The following CCDC30 variants were observed in gnomAD, a reference collection of about 807,000 sequenced individuals.
CCDC30 encodes coiled-coil domain-containing protein 30.
Under a neutral mutation model 100.2 loss-of-function variants are expected in CCDC30, and 70 were observed. The observed-to-expected ratio is 0.70, with a 90% confidence interval of 0.58 to 0.85. CCDC30 has a LOEUF of 0.85. Ranked by LOEUF, CCDC30 falls within the 40% of genes least tolerant of loss-of-function variation. CCDC30 has a pLI of 0.00. For synonymous variants in CCDC30, 233 were observed against 269.5 expected (o/e 0.86, Z 1.33); for missense variants, 652 against 771.2 (o/e 0.85, Z 1.83).
At chr1:42,558,241 T>C in intron 6 of CCDC30, 1 of 183,690 alleles carries the variant, frequency 5.4e-6, no homozygotes, top group Non-Finnish European at 1.2e-5. Flanking sequence ...TTGGTAAAAC[T>C]GGGGTGCATC....
chr1:42,548,815 G>A (rs928450608), intron 6 of CCDC30, among the ~76,000 whole-genome samples: 4 of 152,158 alleles, frequency 2.6e-5, no homozygotes, highest in Admixed American at 2.0e-4. Flanking sequence ...AGAAAGCCAT[G>A]AGCCAGAGTC....
intron 6 of CCDC30, among the ~76,000 whole-genome samples, chr1:42,563,406 T>C (rs1040948283): frequency 5.3e-5 from 8 of 151,296 alleles, no homozygotes; most frequent in Admixed American, 6.6e-5. Context: ...AGTTGAACAT[T>C]GAGAATACAT....
intron 6 of CCDC30, among the ~76,000 whole-genome samples, chr1:42,562,408 G>T (rs1557856624): frequency 6.6e-6 from 1 of 152,136 alleles, no homozygotes; most frequent in African/African-American, 2.4e-5. Context: ...GCCATATGCA[G>T]AAAAATGAAA....
At position 42,597,580 on chromosome 1, in the gene CCDC30, C is replaced by T. The variant is rs112835238; in HGVS notation, c.1164+8097C>T. On this transcript the variant is annotated intron_variant, in intron 10 of 16. Coordinates refer to ENST00000668663, the Ensembl canonical transcript of CCDC30. Reference sequence around the variant, plus strand: ...ATCCCAGCACTTTGAGAAGCCAAGACAGAAAGATCACTTGAGATCAGCCTG... The same window carrying T: ...ATCCCAGCACTTTGAGAAGCCAAGATAGAAAGATCACTTGAGATCAGCCTG... Among the ~76,000 whole-genome samples the T allele has an allele frequency of 6.2e-3, 944 of 151,546 alleles. 5 individuals are homozygous for T. The highest frequency in any genetic ancestry group is 0.021 in the African/African-American group (881 of 41,304).
intron 1 of CCDC30, among the ~76,000 whole-genome samples, chr1:42,471,838 ACT>A (rs1643779669): frequency 6.6e-6 from 1 of 152,112 alleles, no homozygotes; most frequent in Admixed American, 6.6e-5. Context: ...AAATGGTAAG[ACT>A]CTAGAAAACT....
At chr1:42,636,742 C>T (rs561774356) in intron 11 of CCDC30, among the ~76,000 whole-genome samples, 4 of 151,864 alleles carry the variant, frequency 2.6e-5, no homozygotes, top group African/African-American at 7.2e-5. Flanking sequence ...CTGAGGCAGG[C>T]GGATCACAAG....
chr1:42,554,979 G>A (rs1480659686), intron 6 of CCDC30, among the ~76,000 whole-genome samples: 1 of 151,936 alleles, frequency 6.6e-6, no homozygotes, highest in African/African-American at 2.4e-5. Flanking sequence ...CCACATGTTG[G>A]TCTACCATCC....
rs1646299745 is a variant in CCDC30, at chr1:42,596,895, G to T, written c.1164+7412G>T. Among the ~76,000 whole-genome samples, 1 of 152,136 alleles carries T rather than the reference G, an allele frequency of 6.6e-6. No individual in the cohort carries two copies. The highest frequency in any genetic ancestry group is 2.1e-4 in the South Asian group (1 of 4,830). The stretch of plus-strand genomic sequence containing the variant: ...CTCTAAGGAATAAAGTAGACCACAT[G>T]CAGGAAGAGATGGGCAATGCAAGCA... On this transcript the variant is annotated intron_variant, in intron 10 of 16. Coordinates refer to ENST00000668663, the Ensembl canonical transcript of CCDC30. The surrounding 1 kb of genome is among the most constrained non-coding windows in gnomAD (Gnocchi z 4.3).
Position 42,501,069 on chromosome 1 carries a change from G to A in CCDC30, c.456+2153G>A, listed in dbSNP as rs141415353. Among the ~76,000 whole-genome samples, 791 of 152,104 alleles carry A rather than the reference G, an allele frequency of 5.2e-3. 8 individuals are homozygous for A. The highest frequency in any genetic ancestry group is 0.018 in the African/African-American group (764 of 41,504). ...GTTTTCTTTTATAATTTTGTGATAG[G>A]ACACAAAAAGCCTATTTAAGAAATC... is the stretch of plus-strand genomic sequence containing the variant. On this transcript the variant is annotated intron_variant, in intron 6 of 16. Coordinates refer to ENST00000668663, the Ensembl canonical transcript of CCDC30.
chr1:42,619,556 A>C (rs117779467), intron 11 of CCDC30, among the ~76,000 whole-genome samples: 1 of 152,206 alleles, frequency 6.6e-6, no homozygotes. Flanking sequence ...GGCTTAGATC[A>C]TGGCAAAACA....
chr1:42,585,159 TATC>T (rs1646043851), intron 9 of CCDC30, among the ~76,000 whole-genome samples: 1 of 152,262 alleles, frequency 6.6e-6, no homozygotes, highest in Admixed American at 6.5e-5. Context: ...TAATGTAAGT[TATC>T]ATATTTGTAG....
chr1:42,488,900 TG>T (rs1422656013), intron 3 of CCDC30, among the ~76,000 whole-genome samples: 1 of 152,240 alleles, frequency 6.6e-6, no homozygotes, highest in Non-Finnish European at 1.5e-5. Flanking sequence ...GTTTGGCCTC[TG>T]CCTATGTATC....
Position 42,642,627 on chromosome 1 carries a change from T to C in CCDC30, c.1556+18T>C. ...CAGAGCAGGTAGGTGCCATCCTGCCTGGGAGCCAATAAACTCCACAAGAGG... is the reference window on the plus strand; with the variant it reads ...CAGAGCAGGTAGGTGCCATCCTGCCCGGGAGCCAATAAACTCCACAAGAGG... On this transcript the variant is annotated intron_variant, in intron 13 of 16. Transcript: ENST00000668663. 6.6e-7 allele frequency: 1 copy of C among 1,525,572 alleles called. No homozygotes were observed. Among genetic ancestry groups the C allele is most frequent in the Non-Finnish European group, 8.8e-7 (1 of 1,135,604 alleles). The allele number at this position is 1,525,572 out of a possible 1,614,324, so 94.5% of individuals were successfully genotyped here.
At chr1:42,473,875 A>C (rs1200158015) in intron 1 of CCDC30, among the ~76,000 whole-genome samples, 2 of 152,208 alleles carry the variant, frequency 1.3e-5, no homozygotes, top group Non-Finnish European at 2.9e-5. Flanking sequence ...TGAGATAGCC[A>C]GGTTTCCACA....
intron 2 of CCDC30, among the ~76,000 whole-genome samples, chr1:42,481,092 C>A (rs147529850): frequency 6.8e-6 from 1 of 147,126 alleles, no homozygotes; most frequent in African/African-American, 2.5e-5. Flanking sequence ...GCCTGGGTGA[C>A]AAAGCATGAC....
chr1:42,530,568 T>C (rs1300133007), intron 6 of CCDC30, among the ~76,000 whole-genome samples: 1 of 152,150 alleles, frequency 6.6e-6, no homozygotes, highest in African/African-American at 2.4e-5. Context: ...CCCAGCACTT[T>C]GGGAGGCTGA....
At chr1:42,539,048 G>A in intron 6 of CCDC30, 125 bp from the exon 8 acceptor site, 2 of 648,168 alleles carry the variant, frequency 3.1e-6, no homozygotes, top group South Asian at 8.7e-5. Flanking sequence ...AGAAGGATAG[G>A]TTGGAATATT....
At chr1:42,593,632 A>T (rs1056463628) in intron 10 of CCDC30, 1 of 152,330 alleles carries the variant, frequency 6.6e-6, no homozygotes, top group East Asian at 1.9e-4. Context: ...ACTTGCCTAC[A>T]TCCTGAGGCT....
chr1:42,465,563 C>T lies in CCDC30; in HGVS notation c.-92+1665C>T, dbSNP rs148306592. Among the ~76,000 whole-genome samples, 580 of 152,186 alleles carry T rather than the reference C, an allele frequency of 3.8e-3. 8 individuals carry two copies. Among genetic ancestry groups the T allele is most frequent in the African/African-American group, 0.013 (538 of 41,492 alleles). Reference sequence around the variant, plus strand: ...ATTTTTAGTAGAGACGGGGTTTCTCCACGTTGGTCAGGCTGAGTCTTGAAC... The same window carrying T: ...ATTTTTAGTAGAGACGGGGTTTCTCTACGTTGGTCAGGCTGAGTCTTGAAC... On this transcript the variant is annotated intron_variant, in intron 1 of 16. Transcript: ENST00000668663.
Sources: gnomAD v4.1 joint callset for allele counts (sites outside exome capture counted in the v4.1 genomes callset) on GRCh38, gnomAD v4.1.1 for gene constraint, Gnocchi (gnomAD v3.1) non-coding constraint, MANE v1.5 for transcripts, NCBI Gene and HGNC (gene_info 2026-07-23, HGNC 2026-07-21) for gene names.